COPZ1: variants seen among roughly 807,000 people sequenced by gnomAD.
COPZ1 encodes coat protein complex I subunit zeta 1, also known as coatomer subunit zeta-1.
COPZ1 carries 4 observed loss-of-function variants against 31.7 expected under a neutral mutation model. The observed-to-expected ratio is 0.13, with a 90% CI of 0.06 to 0.29. The LOEUF (loss-of-function observed/expected upper bound fraction) is 0.29. COPZ1 is among the 10% of genes least tolerant of loss of function. The pLI, the probability that COPZ1 is intolerant of heterozygous loss-of-function variation, is 1.00. For missense variants in COPZ1, 156 were observed against 211.5 expected, an observed-to-expected ratio of 0.74 and a Z score of 1.63; for synonymous variants, 74 against 79.0, an observed-to-expected ratio of 0.94 and a Z score of 0.33.
In COPZ1 at chr12:54,340,957, C is replaced by T. The variant is rs910790244; in HGVS notation, c.87+342C>T. 3.9e-5 allele frequency among the ~76,000 whole-genome samples: 6 copies of T among 152,088 alleles called. No homozygotes were observed. The East Asian group carries it at 1.2e-3, about 29-fold the overall frequency. ...CTCATGATTCGCCCGCCTTGGCCTC[C>T]CAAAGTGTTGGGATTACAGGTGTGA... On this transcript the variant is annotated intron_variant, in intron 2 of 8. Coordinates refer to ENST00000262061, the MANE Select transcript of COPZ1 (RefSeq NM_016057.3).
chr12:54,343,114 C>T, intron 3 of COPZ1, 111 bp from the exon 4 acceptor site: 1 of 840,648 alleles, frequency 1.2e-6, no homozygotes. Context: ...GGCTCGGCTT[C>T]CCAAGGTGCT....
chr12:54,346,264 T>C (rs964087297), intron 5 of COPZ1, among the ~76,000 whole-genome samples: 1 of 151,448 alleles, frequency 6.6e-6, no homozygotes, highest in African/African-American at 2.4e-5. Context: ...CTCCCAATTT[T>C]TTTTTCTTTT....
chr12:54,340,569 A>G lies in COPZ1; in HGVS notation c.41A>G (p.Lys14Arg), dbSNP rs746454447. 6.8e-5 allele frequency: 110 copies of G among 1,613,962 alleles called. No individual in the cohort carries two copies. Among genetic ancestry groups the G allele is most frequent in the Non-Finnish European group, 8.8e-5 (104 of 1,180,016 alleles). The change falls in exon 2 of 9, where the codon AAA (lysine) becomes AGA (arginine). Residue 14 changes from lysine to arginine, a missense_variant. Physicochemically the swap from Lys to Arg is conservative, Grantham distance 26 (BLOSUM62 2). Coordinates refer to ENST00000262061, the MANE Select transcript of COPZ1 (RefSeq NM_016057.3). ...LILEPSLYTV[K>R]AILILDNDGD... The stretch of plus-strand genomic sequence containing the variant: ...CAGGAACCTTCCCTGTATACTGTCA[A>G]AGCCATCCTGATTCTGGACAATGAT...
At chr12:54,325,371 C>A in intron 1 of COPZ1, 190 bp downstream of exon 1, 2 of 729,348 alleles carry the variant, frequency 2.7e-6, no homozygotes, top group Non-Finnish European at 4.4e-6. Context: ...GGAAGCCCTG[C>A]CGGGGAGAGG....
At chr12:54,342,391 CTTTT>C in intron 3 of COPZ1, 104 bp downstream of exon 3, 1 of 821,358 alleles carries the variant, frequency 1.2e-6, no homozygotes, top group Non-Finnish European at 2.0e-6. Context: ...CTGCCTTTTT[CTTTT>C]TTTTTCCTTC....
intron 1 of COPZ1, chr12:54,325,718 G>A (rs1480162327): frequency 2.0e-5 from 3 of 153,340 alleles, no homozygotes; most frequent in Non-Finnish European, 2.9e-5. Flanking sequence ...CAAAGTTCTG[G>A]GATACCTGAT....
At chr12:54,341,393 C>T (rs1444139616) in intron 2 of COPZ1, among the ~76,000 whole-genome samples, 1 of 152,188 alleles carries the variant, frequency 6.6e-6, no homozygotes, top group Non-Finnish European at 1.5e-5. Flanking sequence ...CCATATTCTC[C>T]CCCTCCTGTA....
chr12:54,348,673 GT>G (rs1388663987), intron 7 of COPZ1, among the ~76,000 whole-genome samples: 3 of 152,186 alleles, frequency 2.0e-5, no homozygotes, highest in African/African-American at 2.4e-5. Context: ...GGAGGTGGAG[GT>G]TGCAGTGAGC....
chr12:54,326,018 A>T (rs1175253979), intron 1 of COPZ1, among the ~76,000 whole-genome samples: 1 of 150,584 alleles, frequency 6.6e-6, no homozygotes, highest in Non-Finnish European at 1.5e-5. Context: ...ACGTGGTTTC[A>T]CCATGTTGGC....
intron 1 of COPZ1, among the ~76,000 whole-genome samples, chr12:54,338,967 T>A (rs1222605625): frequency 6.6e-6 from 1 of 152,178 alleles, no homozygotes; most frequent in Admixed American, 6.5e-5. Flanking sequence ...TCTGGGTTCT[T>A]GGCAATGATT....
chr12:54,339,854 AG>A (rs1382091943), intron 1 of COPZ1, among the ~76,000 whole-genome samples: 15 of 152,040 alleles, frequency 9.9e-5, no homozygotes, highest in African/African-American at 3.4e-4. Context: ...CCCAAAATTC[AG>A]GTTGGCTTTT....
At chr12:54,342,380 T>G in intron 3 of COPZ1, 93 bp downstream of exon 3, 1 of 910,748 alleles carries the variant, frequency 1.1e-6, no homozygotes. Context: ...ATGAAATGAC[T>G]CTGCCTTTTT....
chr12:54,342,127 C>T, intron 2 of COPZ1, 79 bp from the exon 3 acceptor site: 3 of 1,022,536 alleles, frequency 2.9e-6, no homozygotes, highest in Admixed American at 1.7e-5. Context: ...AATCCAAGAT[C>T]CCAGGGCAAA....
intron 2 of COPZ1, among the ~76,000 whole-genome samples, chr12:54,341,927 A>G (rs1953978415): frequency 6.6e-6 from 1 of 152,216 alleles, no homozygotes; most frequent in Non-Finnish European, 1.5e-5. Context: ...GATTGCAGAC[A>G]GCTGCAGAGC....
chr12:54,346,055 T>A lies in COPZ1; in HGVS notation c.317+540T>A, dbSNP rs1185877830. 4.6e-5 allele frequency among the ~76,000 whole-genome samples: 7 copies of A among 152,070 alleles called. No individual in the cohort carries two copies. In the South Asian group the frequency reaches 1.5e-3, roughly 32 times the overall value. ...TGTCCCTCCCATAGAATAATTCTCTTACTAAGTAAGGGGACTGGGAGGGAG... is the reference window on the plus strand; with the variant it reads ...TGTCCCTCCCATAGAATAATTCTCTAACTAAGTAAGGGGACTGGGAGGGAG... On this transcript the variant is annotated intron_variant, in intron 5 of 8. Coordinates refer to ENST00000262061, the MANE Select transcript of COPZ1 (RefSeq NM_016057.3).
At chr12:54,337,759 A>G (rs1265970005) in intron 1 of COPZ1, among the ~76,000 whole-genome samples, 1 of 152,230 alleles carries the variant, frequency 6.6e-6, no homozygotes, top group East Asian at 1.9e-4. Context: ...GTTTGAAATG[A>G]CCAGCCTTTT....
intron 1 of COPZ1, among the ~76,000 whole-genome samples, chr12:54,340,091 A>G (rs778125153): frequency 6.6e-6 from 1 of 151,614 alleles, no homozygotes; most frequent in Non-Finnish European, 1.5e-5. Flanking sequence ...CTGCATTGCT[A>G]CTGCATTCGG....
intron 1 of COPZ1, among the ~76,000 whole-genome samples, chr12:54,336,272 C>T (rs919731032): frequency 6.6e-6 from 1 of 152,132 alleles, no homozygotes; most frequent in African/African-American, 2.4e-5. Flanking sequence ...TTGCCGGGTG[C>T]GGTGGCTCAC....
intron 1 of COPZ1, among the ~76,000 whole-genome samples, chr12:54,333,773 G>A (rs1770556072): frequency 6.6e-6 from 1 of 152,172 alleles, no homozygotes; most frequent in African/African-American, 2.4e-5. Flanking sequence ...TGTCAGATAG[G>A]AAGATTGTAG....
Sources: gnomAD v4.1 joint callset for allele counts (sites outside exome capture counted in the v4.1 genomes callset) on GRCh38, gnomAD v4.1.1 for gene constraint, MANE v1.5 for transcripts, NCBI Gene and HGNC (gene_info 2026-07-23, HGNC 2026-07-21) for gene names.